SLC24A3: variants seen among roughly 807,000 people sequenced by gnomAD.
SLC24A3 encodes the protein sodium/potassium/calcium exchanger 3.
Under a neutral mutation model 75.8 loss-of-function variants are expected in SLC24A3, and 28 were observed. That is an observed-to-expected ratio of 0.37 (90% CI 0.27 to 0.51). SLC24A3 has a LOEUF of 0.51. Ranked by LOEUF, SLC24A3 falls within the 20% of genes least tolerant of loss-of-function variation. SLC24A3 has a pLI of 0.94. For missense variants in SLC24A3, 663 were observed against 847.8 expected (o/e 0.78, Z 2.71); for synonymous variants, 372 against 334.1 (o/e 1.11, Z -1.24).
rs58790136 is a variant in SLC24A3, at chr20:19,337,936, G to T, written c.271+56849G>T. Among the ~76,000 whole-genome samples the T allele has an allele frequency of 8.4e-3, 1,286 of 152,214 alleles. 12 individuals carry two copies. The highest frequency in any genetic ancestry group is 0.028 in the African/African-American group (1,156 of 41,526). ...ATAGGGTGGTGGCAGGGGTGGCACA[G>T]CATCACTTCCTTCAATTATCTTGCC... On this transcript the variant is annotated intron_variant, in intron 2 of 16. Coordinates refer to ENST00000328041, the MANE Select transcript of SLC24A3 (RefSeq NM_020689.4).
chr20:19,257,143 C>T (rs900927229), intron 1 of SLC24A3, among the ~76,000 whole-genome samples: 2 of 152,148 alleles, frequency 1.3e-5, no homozygotes, highest in Non-Finnish European at 2.9e-5. Flanking sequence ...TTTTGAAAAC[C>T]ATTTGCAAAA....
chr20:19,474,177 CCT>C (rs1328456503), intron 2 of SLC24A3, among the ~76,000 whole-genome samples: 3 of 152,096 alleles, frequency 2.0e-5, no homozygotes, highest in Admixed American at 2.0e-4. Context: ...TCTAAAATTC[CCT>C]GTCTGGTCTC....
At chr20:19,461,837 A>G (rs964461755) in intron 2 of SLC24A3, among the ~76,000 whole-genome samples, 2 of 152,060 alleles carry the variant, frequency 1.3e-5, no homozygotes, top group Non-Finnish European at 2.9e-5. Flanking sequence ...CTGGCCCCCA[A>G]GTACTTCATC....
chr20:19,216,586 G>A (rs1027033360), intron 1 of SLC24A3, among the ~76,000 whole-genome samples: 1 of 151,686 alleles, frequency 6.6e-6, no homozygotes, highest in African/African-American at 2.4e-5. Flanking sequence ...CCCAGCCTGG[G>A]CAACAGAGTG....
intron 2 of SLC24A3, among the ~76,000 whole-genome samples, chr20:19,281,534 G>A (rs973297736): frequency 2.6e-5 from 4 of 152,190 alleles, no homozygotes; most frequent in Admixed American, 2.6e-4. Flanking sequence ...TCTTGGAAGA[G>A]GCGAATATTA....
chr20:19,678,331 G>T (rs1207987568), intron 9 of SLC24A3, among the ~76,000 whole-genome samples: 1 of 123,810 alleles, frequency 8.1e-6, no homozygotes, highest in East Asian at 2.2e-4. Flanking sequence ...CTGGCCGGGC[G>T]GGGGGCTGAC....
At chr20:19,357,624 C>T (rs1398064851) in intron 2 of SLC24A3, among the ~76,000 whole-genome samples, 2 of 152,078 alleles carry the variant, frequency 1.3e-5, no homozygotes, top group Admixed American at 6.5e-5. Context: ...GTCAGTGTGC[C>T]ATTTCTTCTT....
At chr20:19,564,192 G>C (rs1568657333) in intron 3 of SLC24A3, among the ~76,000 whole-genome samples, 1 of 152,174 alleles carries the variant, frequency 6.6e-6, no homozygotes, top group African/African-American at 2.4e-5. Context: ...GTAGTAGGGA[G>C]GGAATATCAT....
At chr20:19,567,579 A>G (rs2030980413) in intron 3 of SLC24A3, among the ~76,000 whole-genome samples, 2 of 152,152 alleles carry the variant, frequency 1.3e-5, no homozygotes, top group Admixed American at 6.5e-5. Context: ...TTGGTGACTA[A>G]ATGGTCTGTA....
chr20:19,719,899 G>A (rs2033085536), intron 16 of SLC24A3, among the ~76,000 whole-genome samples: 1 of 152,188 alleles, frequency 6.6e-6, no homozygotes. Context: ...AGGAAGGAGA[G>A]AAGGAAACGG....
chr20:19,564,126 G>T (rs541434409), intron 3 of SLC24A3, among the ~76,000 whole-genome samples: 2 of 152,336 alleles, frequency 1.3e-5, no homozygotes, highest in Admixed American at 1.3e-4. Context: ...TAGCCAGCCA[G>T]TGTTTACCTG....
At chr20:19,328,785 T>G (rs1232157260) in intron 2 of SLC24A3, among the ~76,000 whole-genome samples, 1 of 152,110 alleles carries the variant, frequency 6.6e-6, no homozygotes, top group Non-Finnish European at 1.5e-5. Flanking sequence ...AGGTCAAGGC[T>G]GGAGATACCA....
chr20:19,696,815 A>C lies in SLC24A3; in HGVS notation c.1510A>C (p.Thr504Pro). ...CTTCTAGGTCACAATCATTGGTTAC[A>C]CCCTGGGGATTCCTGACGTCATCAT... is the stretch of plus-strand genomic sequence containing the variant. ...MVWMVTIIGY[T>P]LGIPDVIMGI... The change falls in exon 14 of 17, where the codon ACC becomes CCC. Residue 504 changes from threonine (T) to proline (P), a missense_variant. Physicochemically the swap from Thr to Pro is conservative, Grantham distance 38. Around this residue, in one of 2 missense-constraint regions of SLC24A3, gnomAD observed 510 missense variants for 703.6 expected, o/e 0.72. Coordinates refer to ENST00000328041, the MANE Select transcript of SLC24A3 (RefSeq NM_020689.4). 6.2e-7 allele frequency: 1 copy of C among 1,613,766 alleles called. No individual in the cohort carries two copies. The highest frequency in any genetic ancestry group is 8.5e-7 in the Non-Finnish European group (1 of 1,179,928).
chr20:19,377,468 A>G (rs1329012550), intron 2 of SLC24A3, among the ~76,000 whole-genome samples: 8 of 152,136 alleles, frequency 5.3e-5, no homozygotes, highest in Non-Finnish European at 1.5e-5. Flanking sequence ...GCATGAATTT[A>G]TTTTGGTGAC....
At chr20:19,579,307 G>A (rs2031185461) in intron 3 of SLC24A3, among the ~76,000 whole-genome samples, 1 of 152,192 alleles carries the variant, frequency 6.6e-6, no homozygotes, top group Admixed American at 6.5e-5. Context: ...CTGGCCAGAA[G>A]GTAGAATTCC....
Position 19,358,058 on chromosome 20 carries a change from A to G in SLC24A3, c.271+76971A>G, listed in dbSNP as rs572725877. Among the ~76,000 whole-genome samples the G allele has an allele frequency of 2.6e-5, 4 of 152,294 alleles. No individual in the cohort carries two copies. The South Asian group carries it at 8.3e-4, about 32-fold the overall frequency. ...GGCAGATGTGCCCTCCAGCTCAGCT[A>G]TATGTTGTCAGGGTTGTTTTCCCTC... On this transcript the variant is annotated intron_variant, in intron 2 of 16. Transcript: ENST00000328041.
At chr20:19,354,616 G>A (rs1032594932) in intron 2 of SLC24A3, among the ~76,000 whole-genome samples, 1 of 126,460 alleles carries the variant, frequency 7.9e-6, no homozygotes, top group Non-Finnish European at 1.5e-5. Flanking sequence ...GTGTGTGTGT[G>A]TGTGTGTATG....
intron 16 of SLC24A3, among the ~76,000 whole-genome samples, chr20:19,720,070 C>T (rs965451811): frequency 2.4e-5 from 3 of 127,626 alleles, no homozygotes; most frequent in African/African-American, 8.7e-5. Context: ...AAGACAGATG[C>T]TTCTGTCACT....
At chr20:19,336,646 G>A (rs907458738) in intron 2 of SLC24A3, among the ~76,000 whole-genome samples, 10 of 150,544 alleles carry the variant, frequency 6.6e-5, no homozygotes, top group African/African-American at 2.0e-4. Context: ...GCTTCCCAAA[G>A]TGCTGGGATT....
Sources: gnomAD v4.1 joint callset for allele counts (sites outside exome capture counted in the v4.1 genomes callset) on GRCh38, gnomAD v4.1.1 for gene constraint, gnomAD v4.1.1 regional missense constraint, MANE v1.5 for transcripts, NCBI Gene and HGNC (gene_info 2026-07-23, HGNC 2026-07-21) for gene names.